The following ZFP91 variants were observed in gnomAD, a reference collection of about 807,000 sequenced individuals.
ZFP91 encodes ZFP91 zinc finger protein, atypical E3 ubiquitin ligase.
In ZFP91, 7 loss-of-function variants were observed where a neutral mutation model predicts 63.5. The observed-to-expected ratio is 0.11, with a 90% CI of 0.06 to 0.21. The LOEUF (loss-of-function observed/expected upper bound fraction) is 0.21, where lower values mean the gene tolerates loss of function less well. Among genes scored for constraint, ZFP91 ranks in the 10% least tolerant of loss-of-function variants. ZFP91 has a pLI of 1.00. For synonymous variants in ZFP91, 330 were observed against 272.1 expected, an observed-to-expected ratio of 1.21 and a Z score of -2.10; for missense variants, 628 against 736.6, an observed-to-expected ratio of 0.85 and a Z score of 1.71.
intron 1 of ZFP91, 31 bp from the exon 2 acceptor site, chr11:58,584,825 T>A: frequency 6.6e-7 from 1 of 1,525,724 alleles, no homozygotes; most frequent in South Asian, 1.3e-5. Context: ...TGCTAGATTG[T>A]TCATTAATGT....
intron 2 of ZFP91, among the ~76,000 whole-genome samples, chr11:58,600,398 T>A (rs1422760364): frequency 5.3e-5 from 8 of 152,200 alleles, no homozygotes; most frequent in Non-Finnish European, 1.0e-4. Flanking sequence ...GAATGTTATA[T>A]GTTGGTCATA....
At chr11:58,613,279 C>T (rs1855696337) in intron 8 of ZFP91, among the ~76,000 whole-genome samples, 1 of 152,132 alleles carries the variant, frequency 6.6e-6, no homozygotes, top group African/African-American at 2.4e-5. Flanking sequence ...TGTGTCAGCC[C>T]ATGGTGGAAG....
At chr11:58,588,898 T>G (rs1331621810) in intron 2 of ZFP91, among the ~76,000 whole-genome samples, 2 of 152,186 alleles carry the variant, frequency 1.3e-5, no homozygotes, top group African/African-American at 2.4e-5. Flanking sequence ...CTGAGAACAT[T>G]GTCTTCACAA....
At chr11:58,594,157 T>C (rs1356131509) in intron 2 of ZFP91, among the ~76,000 whole-genome samples, 3 of 152,200 alleles carry the variant, frequency 2.0e-5, no homozygotes, top group African/African-American at 7.2e-5. Context: ...TTCAAAATCC[T>C]GGAAGGACCT....
At chr11:58,613,549 A>G (rs1005285975) in intron 8 of ZFP91, among the ~76,000 whole-genome samples, 5 of 152,172 alleles carry the variant, frequency 3.3e-5, no homozygotes, top group Admixed American at 3.3e-4. Context: ...TCAATATTAC[A>G]GTAATTCCCA....
rs1855666724 is a variant in ZFP91, at chr11:58,611,688, G to T, written c.807G>T (p.Glu269Asp). 6.2e-7 allele frequency: 1 copy of T among 1,612,252 alleles called. No homozygotes were observed. The highest frequency in any genetic ancestry group is 1.3e-5 in the African/African-American group (1 of 74,782). Residue 269 changes from glutamate to aspartate, a missense_variant, in exon 6 of 11, where the codon GAG (glutamate) becomes GAT (aspartate). By Grantham distance (45) the Glu-to-Asp change is conservative. Transcript: ENST00000316059. ...AAATTAAAGTGGAAGTAGAGGTGGAGGTGAAAGAAGAGGAGAATGAAATTA... is the reference window on the plus strand; with the variant it reads ...AAATTAAAGTGGAAGTAGAGGTGGATGTGAAAGAAGAGGAGAATGAAATTA... ...KKEIKVEVEV[E>D]VKEEENEIRE... is the part of the protein sequence containing the mutation.
At chr11:58,601,236 G>C (rs369029115) in intron 2 of ZFP91, among the ~76,000 whole-genome samples, 75 of 152,188 alleles carry the variant, frequency 4.9e-4, no homozygotes, top group African/African-American at 1.7e-3. Flanking sequence ...AGAGGCTTCT[G>C]GCCTTTTTAT....
chr11:58,617,300 G>A lies in ZFP91; in HGVS notation c.1307G>A (p.Gly436Asp). Residue 436 changes from glycine to aspartate, a missense_variant, in exon 11 of 11, where the codon GGC becomes GAC. By Grantham distance (94) the Gly-to-Asp change is moderately conservative. This residue lies in a region of ZFP91 where 76 missense variants were observed against 230.9 expected (regional missense o/e 0.33). Transcript: ENST00000316059. This position sits in a 1 kb window ranked among gnomAD's most constrained non-coding sequence, Gnocchi z 4.2. Reference sequence around the variant, plus strand: ...TACCAGTTTTCTTGCAATATCTGTGGCAAAAAATTTGAGAAGAAGGACAGC... The same window carrying A: ...TACCAGTTTTCTTGCAATATCTGTGACAAAAAATTTGAGAAGAAGGACAGC... ...SFYQFSCNIC[G>D]KKFEKKDSVV... is the part of the protein sequence containing the mutation. The A allele has an allele frequency of 6.2e-7, 1 of 1,614,012 alleles. No homozygotes were observed. Among genetic ancestry groups the A allele is most frequent in the East Asian group, 2.2e-5 (1 of 44,874 alleles).
intron 2 of ZFP91, 98 bp from the exon 3 acceptor site, chr11:58,609,732 T>C: frequency 9.3e-7 from 1 of 1,076,222 alleles, no homozygotes; most frequent in Non-Finnish European, 1.3e-6. Context: ...TTTGAAAATA[T>C]TTAATTTATC....
chr11:58,604,656 G>A (rs1421903648), intron 2 of ZFP91, among the ~76,000 whole-genome samples: 3 of 152,194 alleles, frequency 2.0e-5, no homozygotes, highest in African/African-American at 4.8e-5. Context: ...ACTATGGCCT[G>A]CAGTCTGAAT....
At chr11:58,585,890 G>A (rs1056928005) in intron 2 of ZFP91, among the ~76,000 whole-genome samples, 1 of 152,000 alleles carries the variant, frequency 6.6e-6, no homozygotes, top group Non-Finnish European at 1.5e-5. Flanking sequence ...TGGCTGCTTT[G>A]TAAATAATTA....
At chr11:58,594,318 CTTAT>C (rs544113984) in intron 2 of ZFP91, among the ~76,000 whole-genome samples, 232 of 152,294 alleles carry the variant, frequency 1.5e-3, no homozygotes, top group African/African-American at 4.8e-3. Flanking sequence ...CTAGCTACCA[CTTAT>C]TTATTCTTCA....
At position 58,594,061 on chromosome 11, in the gene ZFP91, G is replaced by A. The variant is rs1855354299; in HGVS notation, c.370+9177G>A. Reference sequence around the variant, plus strand: ...TTGCCCCTACCTAGCTCATTGTCTAGCCTGCAGCCAACATGAACATTAAAA... The same window carrying A: ...TTGCCCCTACCTAGCTCATTGTCTAACCTGCAGCCAACATGAACATTAAAA... On this transcript the variant is annotated intron_variant, in intron 2 of 10. Coordinates refer to ENST00000316059, the MANE Select transcript of ZFP91 (RefSeq NM_053023.5). 3.9e-5 allele frequency among the ~76,000 whole-genome samples: 6 copies of A among 152,138 alleles called. No individual in the cohort carries two copies. In the South Asian group the frequency reaches 1.2e-3, roughly 32 times the overall value.
intron 10 of ZFP91, among the ~76,000 whole-genome samples, 180 bp downstream of exon 10, chr11:58,616,995 A>G (rs1855759232): frequency 6.6e-6 from 1 of 152,136 alleles, no homozygotes; most frequent in African/African-American, 2.4e-5. Flanking sequence ...TTTTTCAGGC[A>G]AACAGAAGAA....
In ZFP91 at chr11:58,579,103, A is replaced by C; in HGVS notation, c.-179A>C. The C allele has an allele frequency of 6.3e-6, 2 of 319,348 alleles. No homozygotes were observed. Among genetic ancestry groups the C allele is most frequent in the East Asian group, 4.7e-5 (1 of 21,128 alleles). The allele number at this position is 319,348 out of a possible 1,614,324, so 19.8% of individuals were successfully genotyped here. A position where few individuals can be genotyped will look rare whatever the true frequency, so the allele number is the denominator to read the frequency against. On this transcript the variant is annotated 5_prime_UTR_variant, in exon 1 of 11. Transcript: ENST00000316059. ...GCGCCGCCAGCGGTAGCGGACCTTG[A>C]GTGGCAGGGGGTGGGGGGGGCGCCC...
chr11:58,610,230 T>C lies in ZFP91; in HGVS notation c.581-68T>C, dbSNP rs1488280350. On this transcript the variant is annotated intron_variant, in intron 3 of 10. Transcript: ENST00000316059. Reference sequence around the variant, plus strand: ...CATGCAGTAATTTGATTTGCATTTCTTGACTGCAGAGAGAAAATATCTTAT... The same window carrying C: ...CATGCAGTAATTTGATTTGCATTTCCTGACTGCAGAGAGAAAATATCTTAT... 1.7e-5 allele frequency: 26 copies of C among 1,528,630 alleles called. No homozygotes were observed. The East Asian group carries it at 5.7e-4, about 33-fold the overall frequency. The allele number at this position is 1,528,630 out of a possible 1,614,324, so 94.7% of individuals were successfully genotyped here.
At position 58,579,227 on chromosome 11, in the gene ZFP91, C is replaced by T. The variant is rs1370066603; in HGVS notation, c.-55C>T. The T allele has an allele frequency of 6.7e-6, 9 of 1,342,378 alleles. No individual in the cohort carries two copies. Among genetic ancestry groups the T allele is most frequent in the African/African-American group, 1.6e-5 (1 of 63,632 alleles). 83.2% of individuals were successfully genotyped at this position (1,342,378 alleles called of 1,614,324 possible). On this transcript the variant is annotated 5_prime_UTR_variant, in exon 1 of 11. Coordinates refer to ENST00000316059, the MANE Select transcript of ZFP91 (RefSeq NM_053023.5). ...GGGGCGGGGGGAGCAGCGCCGAGGCCGCCGCCTCCGCCTCCGCCGCCTAGG... is the reference window on the plus strand; with the variant it reads ...GGGGCGGGGGGAGCAGCGCCGAGGCTGCCGCCTCCGCCTCCGCCGCCTAGG...
intron 2 of ZFP91, among the ~76,000 whole-genome samples, chr11:58,604,088 G>A (rs980098028): frequency 6.6e-6 from 1 of 152,132 alleles, no homozygotes. Flanking sequence ...TAAATTTTAG[G>A]GAACCAGAAG....
chr11:58,607,972 G>A (rs1855596106), intron 2 of ZFP91, among the ~76,000 whole-genome samples: 1 of 151,776 alleles, frequency 6.6e-6, no homozygotes, highest in African/African-American at 2.4e-5. Context: ...ACTTAAAGGT[G>A]AAATTACTAC....
Sources: gnomAD v4.1 joint callset for allele counts (sites outside exome capture counted in the v4.1 genomes callset) on GRCh38, gnomAD v4.1.1 for gene constraint, gnomAD v4.1.1 regional missense constraint, Gnocchi (gnomAD v3.1) non-coding constraint, MANE v1.5 for transcripts, NCBI Gene and HGNC (gene_info 2026-07-23, HGNC 2026-07-21) for gene names.